The following LMTK3 variants were observed in gnomAD, a reference collection of about 807,000 sequenced individuals.
LMTK3 encodes the protein serine/threonine-protein kinase LMTK3.
Under a neutral mutation model 116.7 loss-of-function variants are expected in LMTK3, and 27 were observed. The ratio of observed to expected loss-of-function variants is 0.23; its 90% CI spans 0.17 to 0.32. The LOEUF is 0.32. LMTK3 is among the 10% of genes least tolerant of loss of function. LMTK3 has a pLI of 1.00. For synonymous variants in LMTK3, 965 were observed against 971.0 expected (o/e 0.99, Z 0.11); for missense variants, 1,764 against 2,068.5 (o/e 0.85, Z 2.86).
At chr19:48,509,834 A>G (rs1429989486) in intron 3 of LMTK3, among the ~76,000 whole-genome samples, 189 bp downstream of exon 3, 3 of 152,042 alleles carry the variant, frequency 2.0e-5, no homozygotes, top group Non-Finnish European at 2.9e-5. Flanking sequence ...GGATTAAGCA[A>G]TGGCTTCCAC....
Position 48,501,091 on chromosome 19 carries a change from G to A in LMTK3, c.1056C>T (p.Arg352=). Residue 352 remains arginine, a synonymous_variant, in exon 10 of 15, where the codon CGC becomes CGT. Transcript: ENST00000600059. ...ELFEFGAQPY[R]HLSDEEVLAF... ...CGAGGACCTCCTCGTCTGACAGGTG[G>A]CGGTAGGGCTGGGCCCCAAACTCAA... 2 of 1,592,004 alleles carry A rather than the reference G, an allele frequency of 1.3e-6. No individual in the cohort carries two copies. Among genetic ancestry groups the A allele is most frequent in the Non-Finnish European group, 8.5e-7 (1 of 1,169,632 alleles).
chr19:48,485,912 C>T (rs1054225688), intron 14 of LMTK3, 123 bp from the exon 15 acceptor site: 9 of 939,278 alleles, frequency 9.6e-6, no homozygotes, highest in Non-Finnish European at 1.3e-5. Flanking sequence ...TGCTCTGTTC[C>T]CTCTCTGTCC....
At chr19:48,495,424 G>A (rs1025540923) in intron 11 of LMTK3, among the ~76,000 whole-genome samples, 10 of 152,166 alleles carry the variant, frequency 6.6e-5, no homozygotes, top group African/African-American at 2.4e-4. Flanking sequence ...AGGATGAGTA[G>A]TTCACTTGGG....
Position 48,511,533 on chromosome 19 carries a change from G to A in LMTK3, c.44C>T (p.Ala15Val). The change falls in exon 1 of 15, where the codon GCC becomes GTC. Residue 15 changes from alanine (A) to valine (V), a missense_variant. Around this residue, in one of 7 missense-constraint regions of LMTK3, gnomAD observed 66 missense variants for 61.1 expected, o/e 1.08. Transcript: ENST00000600059. Reference protein sequence around the residue: ...GALILLAAVSASGCLASPAHP... With the variant: ...GALILLAAVSVSGCLASPAHP... ...GGCCGGGGACGCCAGGCAGCCGGAG[G>A]CGGAGACGGCCGCAAGGAGGATGAG... 7.0e-7 allele frequency: 1 copy of A among 1,424,958 alleles called. No individual in the cohort carries two copies. Among genetic ancestry groups the A allele is most frequent in the Non-Finnish European group, 9.3e-7 (1 of 1,075,392 alleles). 88.3% of individuals were successfully genotyped at this position (1,424,958 alleles called of 1,614,324 possible). A position where few individuals can be genotyped will look rare whatever the true frequency, so the allele number is the denominator to read the frequency against.
intron 2 of LMTK3, 37 bp from the exon 3 acceptor site, chr19:48,510,210 C>T: frequency 6.3e-7 from 1 of 1,596,932 alleles, no homozygotes; most frequent in South Asian, 1.1e-5. Context: ...TGGGAGAACG[C>T]AGGGCTGAGA....
upstream of LMTK3, chr19:48,513,012 C>T (rs892245643): frequency 1.5e-5 from 12 of 784,174 alleles, no homozygotes; most frequent in African/African-American, 1.7e-4. This position sits in a 1 kb window ranked among gnomAD's most constrained non-coding sequence, Gnocchi z 5.6. Flanking sequence ...TACAAAGACA[C>T]AGAACCCCAC....
rs1156525350 is a variant in LMTK3, at chr19:48,499,155, C to T, written c.1914G>A (p.Val638=). Residue 638 remains valine, a synonymous_variant, in exon 11 of 15, where the codon GTG becomes GTA. Coordinates refer to ENST00000600059, the MANE Select transcript of LMTK3 (RefSeq NM_001388485.1). ...VLGERGTAPW[V]EEEEEEEEGS... Reference sequence around the variant, plus strand: ...CCTCCTCCTCCTCCTCTTCTTCTTCCACCCACGGGGCGGTCCCCCGCTCCC... The same window carrying T: ...CCTCCTCCTCCTCCTCTTCTTCTTCTACCCACGGGGCGGTCCCCCGCTCCC... 8 of 1,531,394 alleles carry T rather than the reference C, an allele frequency of 5.2e-6. No homozygotes were observed. Among genetic ancestry groups the T allele is most frequent in the Non-Finnish European group, 3.5e-6 (4 of 1,142,128 alleles). 94.9% of individuals were successfully genotyped at this position (1,531,394 alleles called of 1,614,324 possible).
At chr19:48,513,074 A>T, upstream of LMTK3, 1 of 1,312,230 alleles carries the variant, frequency 7.6e-7, no homozygotes, top group Non-Finnish European at 1.1e-6. The surrounding 1 kb of genome is among the most constrained non-coding windows in gnomAD (Gnocchi z 5.6). Context: ...TAACACATAC[A>T]AAGAGTCACA....
upstream of LMTK3, chr19:48,513,459 A>G: frequency 2.0e-6 from 1 of 506,304 alleles, no homozygotes; most frequent in Non-Finnish European, 3.6e-6. The surrounding 1 kb of genome is among the most constrained non-coding windows in gnomAD (Gnocchi z 5.6). Flanking sequence ...CCGACACATC[A>G]GACAAGGACA....
rs1972220452 is a variant in LMTK3, at chr19:48,491,358, GC to G, written c.4228+45del. 19 of 612,232 alleles carry G rather than the reference GC, an allele frequency of 3.1e-5. No individual in the cohort carries two copies. The highest frequency in any genetic ancestry group is 3.9e-5 in the Non-Finnish European group (18 of 459,562). 37.9% of individuals were successfully genotyped at this position (612,232 alleles called of 1,614,324 possible). On this transcript the variant is annotated intron_variant, in intron 13 of 14. Transcript: ENST00000600059. This position sits in a 1 kb window ranked among gnomAD's most constrained non-coding sequence, Gnocchi z 5.1. ...CCACCCCATAGACCCCGCCCCGTCC[GC>G]CCCATGGCTCCCGCCCCCTCCCGCC...
intron 14 of LMTK3, among the ~76,000 whole-genome samples, chr19:48,489,647 C>T (rs1359644601): frequency 1.3e-5 from 2 of 152,202 alleles, no homozygotes; most frequent in Non-Finnish European, 2.9e-5. Flanking sequence ...GTGCTGCATA[C>T]TCGGGAGGAT....
At chr19:48,503,115 T>C (rs1417208184) in intron 5 of LMTK3, 119 bp from the exon 6 acceptor site, 2 of 706,020 alleles carry the variant, frequency 2.8e-6, no homozygotes, top group Non-Finnish European at 2.5e-6. Flanking sequence ...GTTTGTTTGT[T>C]TGTTTTGAGA....
intron 2 of LMTK3, 117 bp downstream of exon 2, chr19:48,510,342 C>T (rs920949067): frequency 6.9e-7 from 1 of 1,451,888 alleles, no homozygotes; most frequent in African/African-American, 1.4e-5. Flanking sequence ...GCCATAGCTT[C>T]AAGCTGGAAG....
upstream of LMTK3, among the ~76,000 whole-genome samples, chr19:48,512,456 T>C (rs538671973): frequency 1.3e-5 from 2 of 152,170 alleles, no homozygotes; most frequent in Admixed American, 1.3e-4. Flanking sequence ...CTGACACTCA[T>C]AGTCACAGCC....
Position 48,502,535 on chromosome 19 carries a change from A to G in LMTK3, c.692T>C (p.Leu231Pro). Residue 231 changes from leucine to proline, a missense_variant, in exon 7 of 15, where the codon CTG (leucine) becomes CCG (proline). Physicochemically the swap from Leu to Pro is moderately conservative, Grantham distance 98. This residue lies in a region of LMTK3 where 271 missense variants were observed against 478.2 expected (regional missense o/e 0.57). Transcript: ENST00000600059. The stretch of plus-strand genomic sequence containing the variant: ...GTCTCGAGGGGGTAGCTCAGGGGAC[A>G]GGCCCTCGGGGGGCCGCTGGGCTCG... The part of the protein sequence containing the change: ...YLRAQRPPEG[L>P]SPELPPRDLR... The G allele has an allele frequency of 6.3e-7, 1 of 1,595,952 alleles. No homozygotes were observed. Among genetic ancestry groups the G allele is most frequent in the Admixed American group, 1.8e-5 (1 of 57,134 alleles).
At position 48,493,825 on chromosome 19, in the gene LMTK3, C is replaced by T. The variant is rs771724755; in HGVS notation, c.3961G>A (p.Asp1321Asn). 1.9e-5 allele frequency: 29 copies of T among 1,495,150 alleles called. No homozygotes were observed. Among genetic ancestry groups the T allele is most frequent in the Non-Finnish European group, 2.6e-5 (29 of 1,122,842 alleles). 92.6% of individuals were successfully genotyped at this position (1,495,150 alleles called of 1,614,324 possible). ...AGCCCCCGCAGCGGGCGGGCCGCGT[C>T]CGCGTCGGCGCTGCTCACCACGACG... ...VPVVVSSADA[D>N]AARPLRGLLK... The change falls in exon 12 of 15, where the codon GAC becomes AAC. Residue 1321 changes from aspartate to asparagine, a missense_variant. By Grantham distance (23) the Asp-to-Asn change is conservative. Around this residue, in one of 7 missense-constraint regions of LMTK3, gnomAD observed 281 missense variants for 301.4 expected, o/e 0.93. Coordinates refer to ENST00000600059, the MANE Select transcript of LMTK3 (RefSeq NM_001388485.1).
intron 6 of LMTK3, 122 bp downstream of exon 6, chr19:48,502,787 C>T (rs1972495901): frequency 5.7e-6 from 5 of 870,742 alleles, no homozygotes; most frequent in South Asian, 3.2e-5. Context: ...GAAATGTTAG[C>T]GCATGCCACA....
chr19:48,489,152 C>T (rs540460592), intron 14 of LMTK3, among the ~76,000 whole-genome samples: 7 of 152,316 alleles, frequency 4.6e-5, no homozygotes, highest in East Asian at 1.9e-4. Flanking sequence ...TCAGTGTCTG[C>T]GGGGAGGGCC....
At position 48,499,813 on chromosome 19, in the gene LMTK3, G is replaced by C; in HGVS notation, c.1256C>G (p.Pro419Arg). Residue 419 changes from proline to arginine, a missense_variant, in exon 11 of 15, where the codon CCC becomes CGC. Physicochemically the swap from Pro to Arg is moderately radical, Grantham distance 103 (BLOSUM62 -2). This residue lies in a region of LMTK3 where 63 missense variants were observed against 65.0 expected (regional missense o/e 0.97). Transcript: ENST00000600059. ...TYLLSERPPRPPPPPPPPRDG... is the reference protein window; with the variant it reads ...TYLLSERPPRRPPPPPPPRDG... ...TCGGGGTGGGGGTGGCGGCGGTGGGGGCCGGGGAGGCCGCTCGGAGAGCAA... is the reference window on the plus strand; with the variant it reads ...TCGGGGTGGGGGTGGCGGCGGTGGGCGCCGGGGAGGCCGCTCGGAGAGCAA... 1.3e-6 allele frequency: 2 copies of C among 1,555,892 alleles called. No homozygotes were observed. The highest frequency in any genetic ancestry group is 1.7e-6 in the Non-Finnish European group (2 of 1,151,502).
Sources: allele counts gnomAD v4.1 joint callset (sites outside exome capture counted in the v4.1 genomes callset), GRCh38; gene constraint gnomAD v4.1.1; regional missense constraint gnomAD v4.1.1; non-coding constraint Gnocchi (gnomAD v3.1); transcripts MANE v1.5; gene names NCBI Gene and HGNC (gene_info 2026-07-23, HGNC 2026-07-21).